SLC4A8: variants seen among roughly 807,000 people sequenced by gnomAD.
SLC4A8 encodes electroneutral sodium bicarbonate exchanger 1.
SLC4A8 carries 40 observed loss-of-function variants against 125.0 expected under a neutral mutation model. The ratio of observed to expected loss-of-function variants is 0.32; its 90% confidence interval spans 0.25 to 0.42. The LOEUF is 0.42. Among genes scored for constraint, SLC4A8 ranks in the 10% least tolerant of loss-of-function variants. The pLI, the probability that SLC4A8 is intolerant of heterozygous loss-of-function variation, is 1.00. For synonymous variants in SLC4A8, 456 were observed against 476.0 expected (o/e 0.96, Z 0.55); for missense variants, 863 against 1,355.1 (o/e 0.64, Z 5.70).
Position 51,463,621 on chromosome 12 carries a change from G to GGTA in SLC4A8, c.1257_1258insTAG (p.Arg419_Lys420insTer). On this transcript the variant is annotated stop_gained and inframe_insertion, in exon 11 of 25. Coordinates refer to ENST00000453097, the MANE Select transcript of SLC4A8 (RefSeq NM_001039960.3). LOFTEE classifies it high-confidence loss of function. ...GTGGTCTTCTGTTAAAAGGAGAAAA[G>GGTA]GAAAATGCCTGGAGTTCCAAATGGA... The GGTA allele has an allele frequency of 6.2e-7, 1 of 1,613,060 alleles. No homozygotes were observed. Among genetic ancestry groups the GGTA allele is most frequent in the South Asian group, 1.1e-5 (1 of 91,048 alleles).
rs534883389 is a variant in SLC4A8, at chr12:51,434,993, A to G, written c.49-5715A>G. ...GTAGATATTGATGAATATAAGACCC[A>G]GTACCTATCCTCCTAGAACTTTTGA... On this transcript the variant is annotated intron_variant, in intron 1 of 24. Transcript: ENST00000453097. Among the ~76,000 whole-genome samples the G allele has an allele frequency of 5.3e-5, 8 of 152,366 alleles. No homozygotes were observed. In the South Asian group the frequency reaches 1.7e-3, roughly 32 times the overall value.
At chr12:51,445,455 G>A (rs535263061) in intron 2 of SLC4A8, among the ~76,000 whole-genome samples, 30 of 152,240 alleles carry the variant, frequency 2.0e-4, no homozygotes, top group Non-Finnish European at 3.5e-4. Context: ...GGTGTGGGCC[G>A]CTGTGCCTGG....
intron 24 of SLC4A8, among the ~76,000 whole-genome samples, chr12:51,507,033 G>GT (rs1378077337): frequency 1.3e-5 from 2 of 152,020 alleles, no homozygotes; most frequent in African/African-American, 4.8e-5. Flanking sequence ...GCAGACCACT[G>GT]TTTCTGGTGT....
At chr12:51,435,708 A>G (rs1382292463) in intron 1 of SLC4A8, among the ~76,000 whole-genome samples, 1 of 152,196 alleles carries the variant, frequency 6.6e-6, no homozygotes, top group East Asian at 1.9e-4. Flanking sequence ...TGTTGTAGGC[A>G]TTACCCTACT....
intron 16 of SLC4A8, among the ~76,000 whole-genome samples, chr12:51,483,363 AAAAG>A (rs1337187103): frequency 2.6e-5 from 4 of 151,400 alleles, no homozygotes; most frequent in East Asian, 1.9e-4. Context: ...ACAAAAAAAA[AAAAG>A]AAAGAAAAAG....
intron 8 of SLC4A8, among the ~76,000 whole-genome samples, chr12:51,460,777 G>T (rs1243046978): frequency 1.3e-5 from 2 of 152,198 alleles, no homozygotes; most frequent in African/African-American, 4.8e-5. Flanking sequence ...AGAGTATTCA[G>T]ATGTCCAGAA....
chr12:51,479,925 A>G, intron 16 of SLC4A8: 1 of 395,368 alleles, frequency 2.5e-6, no homozygotes, highest in Non-Finnish European at 4.8e-6. Flanking sequence ...CTGTCTCACG[A>G]AACAGAGGGC....
rs1034534828 is a variant in SLC4A8, at chr12:51,455,873, A to C, written c.575-1478A>C. ...TGGAGTCACATTTTGCTAACTTTTG[A>C]CTATTTGTCTGAAATCCCATGAATG... On this transcript the variant is annotated intron_variant, in intron 5 of 24. Transcript: ENST00000453097. 4.6e-5 allele frequency among the ~76,000 whole-genome samples: 7 copies of C among 152,214 alleles called. No homozygotes were observed. In the Middle Eastern group the frequency reaches 0.014, roughly 296 times the overall value.
In SLC4A8 at chr12:51,463,524, C is replaced by T. The variant is rs956013552; in HGVS notation, c.1249-90C>T. The T allele has an allele frequency of 4.3e-6, 4 of 933,476 alleles. No homozygotes were observed. The African/African-American group carries it at 4.9e-5, about 12-fold the overall frequency. The allele number at this position is 933,476 out of a possible 1,614,324, so 57.8% of individuals were successfully genotyped here. A position where few individuals can be genotyped will look rare whatever the true frequency, so the allele number is the denominator to read the frequency against. On this transcript the variant is annotated intron_variant, in intron 10 of 24. Transcript: ENST00000453097. ...CTACAAACACGGGCATTTTTGGTTGCTTTTGGGTTATCCCATTCCCACTCC... is the reference window on the plus strand; with the variant it reads ...CTACAAACACGGGCATTTTTGGTTGTTTTTGGGTTATCCCATTCCCACTCC...
intron 16 of SLC4A8, 43 bp downstream of exon 16, chr12:51,475,249 T>C (rs1565806451): frequency 1.6e-5 from 25 of 1,591,464 alleles, no homozygotes; most frequent in Non-Finnish European, 2.1e-5. Context: ...TAGAATCAAA[T>C]ATAACAGAAC....
intron 2 of SLC4A8, among the ~76,000 whole-genome samples, chr12:51,445,445 G>A (rs762313153): frequency 6.6e-6 from 1 of 152,172 alleles, no homozygotes; most frequent in Non-Finnish European, 1.5e-5. Flanking sequence ...TGAGATAACA[G>A]GTGTGGGCCG....
intron 7 of SLC4A8, among the ~76,000 whole-genome samples, chr12:51,458,860 C>T (rs542162270): frequency 6.6e-6 from 1 of 152,308 alleles, no homozygotes; most frequent in East Asian, 1.9e-4. Flanking sequence ...TTTCTTTCTC[C>T]AGATTCAACA....
At chr12:51,464,211 G>A (rs1950441858) in intron 11 of SLC4A8, among the ~76,000 whole-genome samples, 1 of 152,180 alleles carries the variant, frequency 6.6e-6, no homozygotes, top group Non-Finnish European at 1.5e-5. Flanking sequence ...CAAAAGGGCA[G>A]AGGCTCTATT....
In SLC4A8 at chr12:51,508,533, C is replaced by G. The variant is rs919415465; in HGVS notation, c.*1095C>G. The G allele has an allele frequency of 6.6e-6, 1 of 152,548 alleles. No individual in the cohort carries two copies. The highest frequency in any genetic ancestry group is 2.4e-5 in the African/African-American group (1 of 41,416). 9.4% of individuals were successfully genotyped at this position (152,548 alleles called of 1,614,324 possible). A position where few individuals can be genotyped will look rare whatever the true frequency, so the allele number is the denominator to read the frequency against. ...GTAAACGATCATCAGTTCAATGGAC[C>G]AAAATCACCTTCAGCCATGTGGTTT... On this transcript the variant is annotated 3_prime_UTR_variant, in exon 25 of 25. Coordinates refer to ENST00000453097, the MANE Select transcript of SLC4A8 (RefSeq NM_001039960.3).
chr12:51,468,437 A>G (rs1308645651), intron 11 of SLC4A8, among the ~76,000 whole-genome samples: 1 of 152,236 alleles, frequency 6.6e-6, no homozygotes, highest in East Asian at 1.9e-4. Context: ...GTAACTTGAC[A>G]TGCTATTAGG....
At position 51,470,289 on chromosome 12, in the gene SLC4A8, G is replaced by C. The variant is rs568145728; in HGVS notation, c.1525-103G>C. The C allele has an allele frequency of 1.5e-4, 145 of 979,806 alleles. 2 individuals carry two copies. The Admixed American group carries it at 2.5e-3, about 17-fold the overall frequency. 60.7% of individuals were successfully genotyped at this position (979,806 alleles called of 1,614,324 possible). On this transcript the variant is annotated intron_variant, in intron 12 of 24. Transcript: ENST00000453097. ...TTGCTAAGATGAAATACAAGCAAAT[G>C]GCCATCAAGGCACACAGGAGAGCAA...
chr12:51,439,119 C>T (rs767702086), intron 1 of SLC4A8, among the ~76,000 whole-genome samples: 4 of 152,034 alleles, frequency 2.6e-5, no homozygotes, highest in African/African-American at 4.8e-5. Context: ...TACAATGGTG[C>T]GATCTCAGCT....
At chr12:51,480,366 T>A in intron 16 of SLC4A8, 1 of 1,168,294 alleles carries the variant, frequency 8.6e-7, no homozygotes, top group Non-Finnish European at 1.1e-6. Flanking sequence ...AAGTCTAGAA[T>A]GTGCTGCTTA....
rs1442203982 is a variant in SLC4A8 at position 51,505,837 on chromosome 12, G to A, written c.3176G>A (p.Cys1059Tyr). The A allele has an allele frequency of 1.4e-6, 2 of 1,453,716 alleles. No individual in the cohort carries two copies. The highest frequency in any genetic ancestry group is 1.2e-5 in the South Asian group (1 of 85,646). 90.1% of individuals were successfully genotyped at this position (1,453,716 alleles called of 1,614,324 possible). The change falls in exon 24 of 25, where the codon TGT becomes TAT. Residue 1059 changes from cysteine (C) to tyrosine (Y), a missense_variant and splice_region_variant. Cys to Tyr is a radical substitution (Grantham distance 194). Around this residue, in one of 6 missense-constraint regions of SLC4A8, gnomAD observed 92 missense variants for 125.6 expected, o/e 0.73. Transcript: ENST00000453097. ...SSPGKNISCR[C>Y]DPSEINISDE... Reference sequence around the variant, plus strand: ...ACTGTCCTAATGATTGATTTCAGATGTGACCCCTCTGAGATTAATATATCT... The same window carrying A: ...ACTGTCCTAATGATTGATTTCAGATATGACCCCTCTGAGATTAATATATCT...
Sources: allele counts gnomAD v4.1 joint callset (sites outside exome capture counted in the v4.1 genomes callset), GRCh38; gene constraint gnomAD v4.1.1; regional missense constraint gnomAD v4.1.1; transcripts MANE v1.5; gene names NCBI Gene and HGNC (gene_info 2026-07-23, HGNC 2026-07-21).